Variants in LRRC31 observed in about 807,000 individuals in gnomAD.
The protein encoded by LRRC31 is leucine-rich repeat-containing protein 31.
Under a neutral mutation model 46.7 loss-of-function variants are expected in LRRC31, and 35 were observed. That is an observed-to-expected ratio of 0.75 (90% CI 0.57 to 0.99). The LOEUF is 0.99. Ranked by LOEUF, LRRC31 falls within the 50% of genes least tolerant of loss-of-function variation. The pLI, the probability that LRRC31 is intolerant of heterozygous loss-of-function variation, is 0.00. For synonymous variants in LRRC31, 236 were observed against 235.1 expected, an observed-to-expected ratio of 1.00 and a Z score of -0.03; for missense variants, 613 against 626.1, an observed-to-expected ratio of 0.98 and a Z score of 0.22.
Position 169,854,794 on chromosome 3 carries a change from C to G in LRRC31, c.991+19G>C, listed in dbSNP as rs1170686666. 6.3e-7 allele frequency: 1 copy of G among 1,575,350 alleles called. No individual in the cohort carries two copies. The highest frequency in any genetic ancestry group is 1.3e-5 in the African/African-American group (1 of 74,098). On this transcript the variant is annotated intron_variant, in intron 6 of 8. Coordinates refer to ENST00000316428, the MANE Select transcript of LRRC31 (RefSeq NM_024727.4). ...CAAGATTCCAAAAGTCTTTCCTTTGCTCTGCAATATATACTTACTCAGTGA... is the reference window on the plus strand; with the variant it reads ...CAAGATTCCAAAAGTCTTTCCTTTGGTCTGCAATATATACTTACTCAGTGA...
At chr3:169,854,665 C>T in intron 6 of LRRC31, 148 bp downstream of exon 6, 1 of 610,502 alleles carries the variant, frequency 1.6e-6, no homozygotes, top group Non-Finnish European at 2.9e-6. Context: ...CCAAGTACTA[C>T]ATTGGGGCAC....
At chr3:169,848,044 C>G in intron 8 of LRRC31, 76 bp downstream of exon 8, 1 of 1,462,360 alleles carries the variant, frequency 6.8e-7, no homozygotes. Flanking sequence ...TCCCCCACCT[C>G]CCCACCTGGT....
At chr3:169,855,625 A>G (rs1419284180) in intron 5 of LRRC31, among the ~76,000 whole-genome samples, 2 of 152,218 alleles carry the variant, frequency 1.3e-5, no homozygotes, top group East Asian at 3.8e-4. Flanking sequence ...GTTAATATGG[A>G]TACTATATAC....
chr3:169,861,737 T>C lies in LRRC31; in HGVS notation c.252A>G (p.Lys84=). The C allele has an allele frequency of 6.2e-7, 1 of 1,614,204 alleles. No individual in the cohort carries two copies. The change falls in exon 2 of 9, where the codon AAA becomes AAG. Residue 84 remains lysine (K), a synonymous_variant. Transcript: ENST00000316428. ...KNEHFLQKLG[K]KAVNKCLDLN... Reference sequence around the variant, plus strand: ...AATCTAGACACTTGTTGACAGCCTTTTTGCCCAGCTTCTGCAGGAAATGCT... The same window carrying C: ...AATCTAGACACTTGTTGACAGCCTTCTTGCCCAGCTTCTGCAGGAAATGCT...
rs1781443408 is a variant in LRRC31, at chr3:169,869,839, A to T, written c.-32T>A. The T allele has an allele frequency of 1.3e-6, 2 of 1,554,862 alleles. No homozygotes were observed. Among genetic ancestry groups the T allele is most frequent in the South Asian group, 2.5e-5 (2 of 80,770 alleles). ...GTTGATGGGGGTAGTTCCCAATAAGACATCTTCCTGTTGCTTTCTGTTTTC... is the reference window on the plus strand; with the variant it reads ...GTTGATGGGGGTAGTTCCCAATAAGTCATCTTCCTGTTGCTTTCTGTTTTC... On this transcript the variant is annotated 5_prime_UTR_variant, in exon 1 of 9. Transcript: ENST00000316428.
intron 1 of LRRC31, among the ~76,000 whole-genome samples, chr3:169,864,001 A>AGTGTGTGTGTGT (rs35795931): frequency 1.6e-4 from 24 of 148,718 alleles, no homozygotes; most frequent in African/African-American, 5.9e-4. Flanking sequence ...TCCAAAGCCT[A>AGTGTGTGTGTGT]GTGTGTGTGT....
intron 3 of LRRC31, 112 bp from the exon 4 acceptor site, chr3:169,856,984 T>C (rs1780968133): frequency 1.5e-5 from 15 of 981,720 alleles, no homozygotes; most frequent in South Asian, 2.1e-5. Context: ...GGCCAGGTAC[T>C]GTCCTGTTTG....
At position 169,852,697 on chromosome 3, in the gene LRRC31, C is replaced by G. The variant is rs16854465; in HGVS notation, c.992-911G>C. Among the ~76,000 whole-genome samples the G allele has an allele frequency of 6.5e-3, 991 of 152,284 alleles. 28 individuals are homozygous for G. In the East Asian group the frequency reaches 0.079, roughly 12 times the overall value. On this transcript the variant is annotated intron_variant, in intron 6 of 8. Coordinates refer to ENST00000316428, the MANE Select transcript of LRRC31 (RefSeq NM_024727.4). The stretch of plus-strand genomic sequence containing the variant: ...TTGGCTACTTCTCTGGCCTTTGCCC[C>G]AACTATTACCAAGGCAGAAAATGCA...
At chr3:169,853,907 A>G (rs1274526902) in intron 6 of LRRC31, among the ~76,000 whole-genome samples, 2 of 152,252 alleles carry the variant, frequency 1.3e-5, no homozygotes, top group African/African-American at 2.4e-5. Context: ...GGTGCCAACC[A>G]TGTGCAGGTG....
In LRRC31 at chr3:169,849,926, T is replaced by A. The variant is rs181047005; in HGVS notation, c.1160-1639A>T. Among the ~76,000 whole-genome samples, 215 of 152,342 alleles carry A rather than the reference T, an allele frequency of 1.4e-3. No individual in the cohort carries two copies. In the Middle Eastern group the frequency reaches 0.017, roughly 12 times the overall value. Reference sequence around the variant, plus strand: ...GATATTAGCTAAGGGCCAGCCTTACTGGTTGATAGCAGGCCTTTACAGGGA... The same window carrying A: ...GATATTAGCTAAGGGCCAGCCTTACAGGTTGATAGCAGGCCTTTACAGGGA... On this transcript the variant is annotated intron_variant, in intron 7 of 8. Transcript: ENST00000316428.
intron 1 of LRRC31, 49 bp downstream of exon 1, chr3:169,869,584 A>G: frequency 6.6e-7 from 1 of 1,507,212 alleles, no homozygotes; most frequent in Non-Finnish European, 8.9e-7. Context: ...ATGTGGAAGT[A>G]AAAACAAAAC....
chr3:169,850,840 G>A (rs1315840984), intron 7 of LRRC31, among the ~76,000 whole-genome samples: 1 of 152,124 alleles, frequency 6.6e-6, no homozygotes, highest in Non-Finnish European at 1.5e-5. Context: ...AGTAAGAGGA[G>A]ATATTTTGAA....
At chr3:169,864,331 C>T (rs556869152) in intron 1 of LRRC31, among the ~76,000 whole-genome samples, 1 of 152,188 alleles carries the variant, frequency 6.6e-6, no homozygotes, top group African/African-American at 2.4e-5. Flanking sequence ...CAACAATAAC[C>T]TACAAACTGA....
In LRRC31 at chr3:169,851,767, A is replaced by C; in HGVS notation, c.1011T>G (p.Leu337=). The change falls in exon 7 of 9, where the codon CTT becomes CTG. Residue 337 remains leucine (L), a synonymous_variant. Transcript: ENST00000316428. The part of the protein sequence containing the change: ...VMSLTQVIPL[L]SNLQELDLSA... ...ATAAATCCAATTCTTGAAGATTTGA[A>C]AGTAAAGGAATGACCTGGGCTGTTA... 1.2e-6 allele frequency: 2 copies of C among 1,614,164 alleles called. No homozygotes were observed.
At chr3:169,840,411 C>T in intron 8 of LRRC31, 98 bp from the exon 9 acceptor site, 1 of 1,235,396 alleles carries the variant, frequency 8.1e-7, no homozygotes, top group Non-Finnish European at 1.2e-6. Context: ...ATAGTAATGA[C>T]AAGATTAGTA....
At position 169,840,273 on chromosome 3, in the gene LRRC31, C is replaced by T; in HGVS notation, c.1368G>A (p.Lys456=). The change falls in exon 9 of 9, where the codon AAG becomes AAA. Residue 456 remains lysine (K), a synonymous_variant. Coordinates refer to ENST00000316428, the MANE Select transcript of LRRC31 (RefSeq NM_024727.4). Reference sequence around the variant, plus strand: ...TGCTGTCATTGTAGCTCAGGTCCAGCTTTTGCAGTTTGGCCAGATGACCCG... The same window carrying T: ...TGCTGTCATTGTAGCTCAGGTCCAGTTTTTGCAGTTTGGCCAGATGACCCG... ...IQTGHLAKLQ[K]LDLSYNDSIC... The T allele has an allele frequency of 1.2e-6, 2 of 1,614,156 alleles. No individual in the cohort carries two copies. The highest frequency in any genetic ancestry group is 4.5e-5 in the East Asian group (2 of 44,880).
At chr3:169,861,202 G>A (rs1194853054) in intron 2 of LRRC31, among the ~76,000 whole-genome samples, 1 of 150,820 alleles carries the variant, frequency 6.6e-6, no homozygotes, top group Non-Finnish European at 1.5e-5. Flanking sequence ...CCGAGTGGCT[G>A]GGATTACAGG....
rs1441354079 is a variant in LRRC31, at chr3:169,848,334, A to G, written c.1160-47T>C. Reference sequence around the variant, plus strand: ...ACAGCAGTAATTTAGGATTTCTTACAGATCATAGGCTTTGGATTTGAGGAA... The same window carrying G: ...ACAGCAGTAATTTAGGATTTCTTACGGATCATAGGCTTTGGATTTGAGGAA... On this transcript the variant is annotated intron_variant, in intron 7 of 8. Transcript: ENST00000316428. 2.5e-6 allele frequency: 4 copies of G among 1,574,830 alleles called. No homozygotes were observed. The South Asian group carries it at 4.5e-5, about 18-fold the overall frequency.
intron 1 of LRRC31, among the ~76,000 whole-genome samples, chr3:169,869,071 TTAAAAATAAC>T (rs1413942876): frequency 1.3e-5 from 2 of 150,734 alleles, no homozygotes; most frequent in African/African-American, 4.8e-5. Flanking sequence ...TATTGCACAT[TTAAAAATAAC>T]TAAAAGAGGC....
Sources: gnomAD v4.1 joint callset for allele counts (sites outside exome capture counted in the v4.1 genomes callset) on GRCh38, gnomAD v4.1.1 for gene constraint, MANE v1.5 for transcripts, NCBI Gene and HGNC (gene_info 2026-07-23, HGNC 2026-07-21) for gene names.